SLC26A5: variants seen among roughly 807,000 people sequenced by gnomAD.
SLC26A5 encodes the protein prestin.
Under a neutral mutation model 81.0 loss-of-function variants are expected in SLC26A5, and 51 were observed. That is an observed-to-expected ratio of 0.63 (90% CI 0.50 to 0.80). SLC26A5 has a LOEUF of 0.80. Ranked by LOEUF, SLC26A5 falls within the 30% of genes least tolerant of loss-of-function variation. The pLI is 0.00. For missense variants in SLC26A5, 771 were observed against 905.8 expected, an observed-to-expected ratio of 0.85 and a Z score of 1.91; for synonymous variants, 325 against 332.8, an observed-to-expected ratio of 0.98 and a Z score of 0.25.
At chr7:103,380,792 C>T (rs1253993183) in intron 14 of SLC26A5, among the ~76,000 whole-genome samples, 1 of 151,726 alleles carries the variant, frequency 6.6e-6, no homozygotes, top group Admixed American at 6.6e-5. Flanking sequence ...ATACATACCA[C>T]ACATGATACG....
chr7:103,419,666 T>C (rs924994773), intron 4 of SLC26A5, among the ~76,000 whole-genome samples: 4 of 152,004 alleles, frequency 2.6e-5, no homozygotes, highest in Non-Finnish European at 4.4e-5. Context: ...GCCTCCTGAG[T>C]ATCTGAGACT....
chr7:103,437,509 T>C (rs1826537761), intron 2 of SLC26A5, among the ~76,000 whole-genome samples: 3 of 152,278 alleles, frequency 2.0e-5, no homozygotes, highest in African/African-American at 7.2e-5. Context: ...TTATTCACAA[T>C]AGCTAAGACA....
rs1282117847 is a variant in SLC26A5, at chr7:103,380,476, C to G, written c.1584+4G>C. On this transcript the variant is annotated splice_donor_region_variant and intron_variant, in intron 15 of 19. Transcript: ENST00000306312. ...CCTTTTTAAGTGATAGAAAAAGGTC[C>G]TACCTCCTCATATGCGTCTATATCA... 6.2e-7 allele frequency: 1 copy of G among 1,612,740 alleles called. No homozygotes were observed. The highest frequency in any genetic ancestry group is 1.3e-5 in the African/African-American group (1 of 74,970).
chr7:103,384,031 T>G (rs1821997104), intron 14 of SLC26A5, among the ~76,000 whole-genome samples: 1 of 152,018 alleles, frequency 6.6e-6, no homozygotes, highest in Non-Finnish European at 1.5e-5. Flanking sequence ...CATGGGAGGC[T>G]GAGGTGGGAG....
chr7:103,373,957 C>A (rs750761153), downstream of SLC26A5, among the ~76,000 whole-genome samples: 1 of 152,118 alleles, frequency 6.6e-6, no homozygotes, highest in Admixed American at 6.5e-5. Flanking sequence ...ACAAGAACTT[C>A]TAGAAAATTG....
At chr7:103,388,499 C>T (rs1822387537) in intron 14 of SLC26A5, 1 of 221,164 alleles carries the variant, frequency 4.5e-6, no homozygotes, top group African/African-American at 2.3e-5. Flanking sequence ...CTGCACCCAA[C>T]CATATATTTT....
intron 8 of SLC26A5, among the ~76,000 whole-genome samples, 159 bp downstream of exon 8, chr7:103,407,692 T>C (rs1272022514): frequency 6.6e-6 from 1 of 152,208 alleles, no homozygotes; most frequent in Admixed American, 6.5e-5. Context: ...TTTTTCTTTT[T>C]ACTTTCTTGT....
chr7:103,390,337 T>C, intron 12 of SLC26A5, 92 bp downstream of exon 12: 1 of 1,171,580 alleles, frequency 8.5e-7, no homozygotes, highest in Non-Finnish European at 1.3e-6. Flanking sequence ...TTACAGTAAA[T>C]AACCCTAATA....
At chr7:103,360,511 A>C (rs1820319635) in intron 19 of SLC26A5, among the ~76,000 whole-genome samples, 1 of 152,134 alleles carries the variant, frequency 6.6e-6, no homozygotes, top group Admixed American at 6.5e-5. Flanking sequence ...CTCCAGCCTC[A>C]GCCTCCTCAG....
chr7:103,374,346 A>C lies in SLC26A5; in HGVS notation c.*53T>G. On this transcript the variant is annotated 3_prime_UTR_variant, in exon 20 of 20. Transcript: ENST00000306312. ...TAGCGTCTAGTATTTAAAACGTGTA[A>C]ATTATGAACTTCATGAGAGGCTTAT... 6.2e-7 allele frequency: 1 copy of C among 1,607,714 alleles called. No individual in the cohort carries two copies. The highest frequency in any genetic ancestry group is 8.5e-7 in the Non-Finnish European group (1 of 1,177,958).
At chr7:103,424,667 T>C (rs1481013983) in intron 2 of SLC26A5, among the ~76,000 whole-genome samples, 1 of 152,120 alleles carries the variant, frequency 6.6e-6, no homozygotes, top group African/African-American at 2.4e-5. Flanking sequence ...CAGACTCTAG[T>C]TTTTCTCCTG....
intron 4 of SLC26A5, 131 bp from the exon 5 acceptor site, chr7:103,413,243 A>G: frequency 1.4e-6 from 1 of 699,720 alleles, no homozygotes; most frequent in Non-Finnish European, 2.6e-6. Flanking sequence ...AACCTGCCCT[A>G]CCCCAGTCCT....
At chr7:103,363,501 A>G in intron 19 of SLC26A5, 1 of 1,427,222 alleles carries the variant, frequency 7.0e-7, no homozygotes, top group African/African-American at 1.4e-5. Context: ...TGTATTGAGC[A>G]CTAAAATTGC....
At chr7:103,369,672 C>G (rs1421724522), downstream of SLC26A5, among the ~76,000 whole-genome samples, 1 of 152,180 alleles carries the variant, frequency 6.6e-6, no homozygotes, top group African/African-American at 2.4e-5. Flanking sequence ...AGACATTTAC[C>G]AGTAACTTCC....
Position 103,407,975 on chromosome 7 carries a change from T to TAA in SLC26A5, c.763_764insTT (p.Lys255IlefsTer9). 6.2e-7 allele frequency: 1 copy of TAA among 1,614,162 alleles called. No homozygotes were observed. The highest frequency in any genetic ancestry group is 8.5e-7 in the Non-Finnish European group (1 of 1,180,032). On this transcript the variant is annotated frameshift_variant, in exon 8 of 20. Transcript: ENST00000306312. LOFTEE classifies it high-confidence loss of function. ...GCCTAGGGAACACACGTTGAGGTTT[T>TAA]TAACATTCTGCAACACAGCAACTGT...
intron 14 of SLC26A5, among the ~76,000 whole-genome samples, chr7:103,381,058 C>T (rs1821741418): frequency 6.6e-6 from 1 of 150,912 alleles, no homozygotes; most frequent in African/African-American, 2.5e-5. Flanking sequence ...TCATATCACA[C>T]ACAATATACA....
chr7:103,401,598 T>C (rs562323534), intron 8 of SLC26A5, among the ~76,000 whole-genome samples: 2 of 152,358 alleles, frequency 1.3e-5, no homozygotes, highest in South Asian at 4.1e-4. Flanking sequence ...CAATACTATG[T>C]TGAATAGGAG....
intron 14 of SLC26A5, among the ~76,000 whole-genome samples, chr7:103,388,223 G>A (rs1166232224): frequency 1.4e-5 from 2 of 141,562 alleles, no homozygotes; most frequent in East Asian, 2.1e-4. Context: ...TTGAGATGGA[G>A]TCTTGCTCTG....
At chr7:103,445,419 A>G (rs1041667075) in intron 1 of SLC26A5, 1 of 152,240 alleles carries the variant, frequency 6.6e-6, no homozygotes, top group African/African-American at 2.4e-5. Context: ...AGCGTGTCAG[A>G]GCCTCTATGA....
Sources: allele counts gnomAD v4.1 joint callset (sites outside exome capture counted in the v4.1 genomes callset), GRCh38; gene constraint gnomAD v4.1.1; transcripts MANE v1.5; gene names NCBI Gene and HGNC (gene_info 2026-07-23, HGNC 2026-07-21).